NRG1: variants seen among roughly 807,000 people sequenced by gnomAD.
The protein encoded by NRG1 is neuregulin 1, also known as pro-neuregulin-1, membrane-bound isoform.
Under a neutral mutation model 63.8 loss-of-function variants are expected in NRG1, and 18 were observed. That is an observed-to-expected ratio of 0.28 (90% CI 0.19 to 0.42). NRG1 has a LOEUF of 0.42. Ranked by LOEUF, NRG1 falls within the 10% of genes least tolerant of loss-of-function variation. The pLI is 1.00. For synonymous variants in NRG1, 302 were observed against 301.3 expected, an observed-to-expected ratio of 1.00 and a Z score of -0.02; for missense variants, 762 against 814.7, an observed-to-expected ratio of 0.94 and a Z score of 0.79.
intron 1 of NRG1, among the ~76,000 whole-genome samples, chr8:32,304,076 C>T (rs11775051): frequency 0.11 from 16,465 of 152,208 alleles, 1,143 homozygotes; most frequent in Non-Finnish European, 0.15. Flanking sequence ...TGCCTTTCTT[C>T]GGTTGGATTT....
intron 3 of NRG1, among the ~76,000 whole-genome samples, chr8:32,612,662 T>G (rs568021406): frequency 2.6e-5 from 4 of 152,180 alleles, no homozygotes; most frequent in African/African-American, 9.6e-5. Context: ...TTGCTGGAGA[T>G]AGAAAAGTTC....
At chr8:32,338,306 C>T (rs1253061859) in intron 1 of NRG1, among the ~76,000 whole-genome samples, 1 of 152,146 alleles carries the variant, frequency 6.6e-6, no homozygotes, top group Non-Finnish European at 1.5e-5. Flanking sequence ...AAGCATGGAT[C>T]TTTTTTGTCT....
At chr8:32,497,132 T>C (rs1313568556) in intron 1 of NRG1, among the ~76,000 whole-genome samples, 1 of 152,138 alleles carries the variant, frequency 6.6e-6, no homozygotes, top group African/African-American at 2.4e-5. Context: ...TTGAGTCTTA[T>C]TGTATAGAAT....
intron 1 of NRG1, among the ~76,000 whole-genome samples, chr8:32,001,936 T>C (rs1812997989): frequency 6.6e-6 from 1 of 152,056 alleles, no homozygotes; most frequent in African/African-American, 2.4e-5. Flanking sequence ...TCTGTACTGT[T>C]TGGGAGGAGC....
intron 1 of NRG1, among the ~76,000 whole-genome samples, chr8:32,281,630 T>G (rs1852861593): frequency 6.6e-6 from 1 of 152,154 alleles, no homozygotes; most frequent in South Asian, 2.1e-4. Context: ...TCTCTGTTCT[T>G]GCATTAATTC....
intron 1 of NRG1, among the ~76,000 whole-genome samples, chr8:32,348,614 T>A (rs1209728919): frequency 2.0e-5 from 3 of 151,956 alleles, no homozygotes; most frequent in Admixed American, 1.3e-4. Flanking sequence ...ACTTACTCAA[T>A]TGTATAGTGT....
At chr8:31,723,466 C>A (rs533155795) in intron 1 of NRG1, among the ~76,000 whole-genome samples, 1 of 152,000 alleles carries the variant, frequency 6.6e-6, no homozygotes, top group Non-Finnish European at 1.5e-5. Flanking sequence ...TCCTTCTTTT[C>A]GAGATGGAGT....
At chr8:32,553,102 A>AT (rs2129524840) in intron 1 of NRG1, among the ~76,000 whole-genome samples, 1 of 152,322 alleles carries the variant, frequency 6.6e-6, no homozygotes. Context: ...TTAAATCCTA[A>AT]TTAGGCTGTT....
rs896671457 is a variant in NRG1, at chr8:32,128,544, C to T, written c.38-467284C>T. The stretch of plus-strand genomic sequence containing the variant: ...TTGGTGGAAGTTTCACGTAAAATTA[C>T]ATGTGAAAGTCCTTGAGAATTGAAA... On this transcript the variant is annotated intron_variant, in intron 1 of 10. Transcript: ENST00000519301. 4.9e-4 allele frequency among the ~76,000 whole-genome samples: 74 copies of T among 151,926 alleles called. 1 individual carries two copies. Among genetic ancestry groups the T allele is most frequent in the Admixed American group, 4.7e-3 (71 of 15,218 alleles).
chr8:31,966,040 A>C (rs1479086809), intron 1 of NRG1, among the ~76,000 whole-genome samples: 1 of 152,160 alleles, frequency 6.6e-6, no homozygotes, highest in Non-Finnish European at 1.5e-5. Context: ...GTGTATACGG[A>C]GAGCCCAATC....
At position 32,371,137 on chromosome 8, in the gene NRG1, G is replaced by A. The variant is rs182446541; in HGVS notation, c.38-224691G>A. ...TGAGACAGGAGAATTGCTTGAACCC[G>A]GGAGGCAGAATTTGCAGCGAGCCGA... is the stretch of plus-strand genomic sequence containing the variant. On this transcript the variant is annotated intron_variant, in intron 1 of 10. Coordinates refer to the NRG1 transcript ENST00000519301. Among the ~76,000 whole-genome samples the A allele has an allele frequency of 1.0e-3, 152 of 152,188 alleles. 2 individuals are homozygous for A. Among genetic ancestry groups the A allele is most frequent in the Non-Finnish European group, 1.2e-3 (84 of 68,024 alleles).
intron 1 of NRG1, among the ~76,000 whole-genome samples, chr8:32,434,697 A>C (rs1037436523): frequency 1.3e-5 from 2 of 152,184 alleles, no homozygotes; most frequent in African/African-American, 4.8e-5. Flanking sequence ...TAATTTAAAG[A>C]GATTGCCAAA....
chr8:32,466,015 T>C (rs1207363747), intron 1 of NRG1, among the ~76,000 whole-genome samples: 2 of 152,186 alleles, frequency 1.3e-5, no homozygotes, highest in Admixed American at 6.5e-5. Flanking sequence ...TTGATACTTC[T>C]ATATGTTCAA....
intron 1 of NRG1, among the ~76,000 whole-genome samples, chr8:31,867,934 G>C (rs753481084): frequency 1.7e-4 from 26 of 152,074 alleles, no homozygotes; most frequent in Non-Finnish European, 2.4e-4. Flanking sequence ...TTGGCCAACT[G>C]TATTGGACCA....
At chr8:32,566,019 C>T (rs13258892) in intron 1 of NRG1, among the ~76,000 whole-genome samples, 48,240 of 151,930 alleles carry the variant, frequency 0.32, 8,674 homozygotes, top group East Asian at 0.79. Flanking sequence ...AGAAACCTGT[C>T]GGTAGACTCA....
chr8:32,606,033 A>C (rs927345924), intron 3 of NRG1, among the ~76,000 whole-genome samples: 2 of 151,474 alleles, frequency 1.3e-5, no homozygotes, highest in African/African-American at 4.8e-5. Flanking sequence ...ACAGTCATAT[A>C]TATATACAGG....
At chr8:32,079,490 G>A (rs140529691) in intron 1 of NRG1, among the ~76,000 whole-genome samples, 6 of 152,232 alleles carry the variant, frequency 3.9e-5, no homozygotes, top group Admixed American at 3.9e-4. Flanking sequence ...ACCTAGAATC[G>A]AGGTGGCAGA....
chr8:32,094,843 GA>G (rs35480082), intron 1 of NRG1, among the ~76,000 whole-genome samples: 58,819 of 144,702 alleles, frequency 0.41, 12,520 homozygotes, highest in African/African-American at 0.55. Flanking sequence ...TACTTAAAAA[GA>G]AAAAAAAAAT....
chr8:31,960,330 C>T (rs1805239890), intron 1 of NRG1, among the ~76,000 whole-genome samples: 1 of 152,168 alleles, frequency 6.6e-6, no homozygotes, highest in African/African-American at 2.4e-5. Context: ...TGGGAACAAA[C>T]GAGTTCATAT....
Sources: allele counts gnomAD v4.1 joint callset (sites outside exome capture counted in the v4.1 genomes callset), GRCh38; gene constraint gnomAD v4.1.1; transcripts MANE v1.5; gene names NCBI Gene and HGNC (gene_info 2026-07-23, HGNC 2026-07-21).